FOXN3: variants seen among roughly 807,000 people sequenced by gnomAD.
The protein encoded by FOXN3 is forkhead box N3, also known as forkhead box protein N3.
Under a neutral mutation model 38.4 loss-of-function variants are expected in FOXN3, and 7 were observed. That is an observed-to-expected ratio of 0.18 (90% confidence interval 0.10 to 0.34). The LOEUF is 0.34. Among genes scored for constraint, FOXN3 ranks in the 10% least tolerant of loss-of-function variants. The pLI, the probability that FOXN3 is intolerant of heterozygous loss-of-function variation, is 1.00. For synonymous variants in FOXN3, 230 were observed against 242.2 expected, an observed-to-expected ratio of 0.95 and a Z score of 0.47; for missense variants, 456 against 613.4, an observed-to-expected ratio of 0.74 and a Z score of 2.71.
chr14:89,267,811 G>A (rs1018695802), intron 4 of FOXN3, among the ~76,000 whole-genome samples: 2 of 152,196 alleles, frequency 1.3e-5, no homozygotes, highest in African/African-American at 4.8e-5. Context: ...ATGCGTGCGT[G>A]TTGGCGGTGG....
chr14:89,170,897 AC>A (rs1887372005), intron 5 of FOXN3, among the ~76,000 whole-genome samples: 1 of 152,122 alleles, frequency 6.6e-6, no homozygotes, highest in Non-Finnish European at 1.5e-5. Flanking sequence ...GAAAATTATA[AC>A]CTTAAACTTC....
rs375412532 is a variant in FOXN3 at position 89,581,957 on chromosome 14, G to A, written c.-15+37071C>T. Among the ~76,000 whole-genome samples, 77 of 152,304 alleles carry A rather than the reference G, an allele frequency of 5.1e-4. No individual in the cohort carries two copies. In the South Asian group the frequency reaches 0.015, roughly 29 times the overall value. On this transcript the variant is annotated intron_variant, in intron 1 of 6. Transcript: ENST00000345097. ...ACATTTAGCCCCAGGACAAAAAGTT[G>A]TAACAACTCTCCGAGGCAAGGGAGA...
At chr14:89,401,214 G>A (rs1891234526) in intron 2 of FOXN3, among the ~76,000 whole-genome samples, 1 of 151,510 alleles carries the variant, frequency 6.6e-6, no homozygotes, top group African/African-American at 2.4e-5. Flanking sequence ...GGTTGAGGCG[G>A]GCGGATCACC....
rs141978099 is a variant in FOXN3, at chr14:89,253,258, C to T, written c.745+27692G>A. Among the ~76,000 whole-genome samples the T allele has an allele frequency of 1.6e-3, 248 of 152,276 alleles. 1 individual carries two copies. Among genetic ancestry groups the T allele is most frequent in the African/African-American group, 5.7e-3 (235 of 41,560 alleles). On this transcript the variant is annotated intron_variant, in intron 4 of 5. Coordinates refer to ENST00000557258, the MANE Select transcript of FOXN3 (RefSeq NM_005197.4). The stretch of plus-strand genomic sequence containing the variant: ...TTTCAGGGAGTGCTCACCGGCATCG[C>T]GGAAAAGAGCCTCTGGCAGGGATCT...
intron 4 of FOXN3, among the ~76,000 whole-genome samples, chr14:89,266,864 G>C (rs1885994927): frequency 6.6e-6 from 1 of 152,092 alleles, no homozygotes; most frequent in African/African-American, 2.4e-5. Flanking sequence ...TAAAACAAAA[G>C]AGACGCCATT....
At chr14:89,189,634 T>C (rs1887895183) in intron 4 of FOXN3, among the ~76,000 whole-genome samples, 1 of 152,204 alleles carries the variant, frequency 6.6e-6, no homozygotes, top group Non-Finnish European at 1.5e-5. Flanking sequence ...ACAGATATCT[T>C]TGTTTGAAGT....
intron 2 of FOXN3, among the ~76,000 whole-genome samples, chr14:89,392,967 C>T (rs539697778): frequency 9.2e-5 from 14 of 152,148 alleles, no homozygotes; most frequent in African/African-American, 2.2e-4. Flanking sequence ...CCACCACGCC[C>T]GGCTAATTTT....
At chr14:89,349,507 CAACA>C (rs991358754) in intron 3 of FOXN3, 7 of 152,662 alleles carry the variant, frequency 4.6e-5, no homozygotes, top group African/African-American at 1.7e-4. Context: ...TTTTGCCAGG[CAACA>C]AACAGCCTTG....
chr14:89,288,750 ATATATATATATATATATATG>A (rs1329958973), intron 3 of FOXN3, among the ~76,000 whole-genome samples: 4 of 84,126 alleles, frequency 4.8e-5, no homozygotes, highest in African/African-American at 1.5e-4. Flanking sequence ...ATATATATAT[ATATATATATATATATATATG>A]CTTGCACTGG....
intron 1 of FOXN3, among the ~76,000 whole-genome samples, chr14:89,555,882 G>GTGT (rs58769284): frequency 0.058 from 6,056 of 104,364 alleles, 722 homozygotes; most frequent in Non-Finnish European, 0.084. Context: ...TGTGTATGTG[G>GTGT]GGGTGTATGT....
chr14:89,397,707 G>C (rs973923798), intron 2 of FOXN3, among the ~76,000 whole-genome samples: 2 of 152,168 alleles, frequency 1.3e-5, no homozygotes, highest in African/African-American at 4.8e-5. Context: ...TGAAGGAGGA[G>C]CAAGGAAGTG....
intron 1 of FOXN3, among the ~76,000 whole-genome samples, chr14:89,538,716 C>A (rs1235759825): frequency 1.3e-5 from 2 of 151,426 alleles, no homozygotes; most frequent in Admixed American, 1.3e-4. Flanking sequence ...CGGGGTTTCT[C>A]CATGTTGGTC....
chr14:89,224,649 T>A (rs1264476025), intron 4 of FOXN3, among the ~76,000 whole-genome samples: 2 of 152,182 alleles, frequency 1.3e-5, no homozygotes, highest in Non-Finnish European at 2.9e-5. Flanking sequence ...ATGTGCTACA[T>A]GAATAACTGC....
At chr14:89,593,391 C>T (rs566706592) in intron 1 of FOXN3, among the ~76,000 whole-genome samples, 75 of 152,232 alleles carry the variant, frequency 4.9e-4, no homozygotes, top group Non-Finnish European at 9.3e-4. Flanking sequence ...GTAACCCCAG[C>T]GCTTTGGAAG....
chr14:89,498,879 A>T (rs2139785900), intron 1 of FOXN3, among the ~76,000 whole-genome samples: 1 of 152,274 alleles, frequency 6.6e-6, no homozygotes, highest in East Asian at 1.9e-4. Flanking sequence ...CAAGTCAATG[A>T]TTGGACGCTT....
At chr14:89,383,673 T>TTCCTC (rs201537996) in intron 2 of FOXN3, among the ~76,000 whole-genome samples, 2,378 of 152,132 alleles carry the variant, frequency 0.016, 73 homozygotes, top group African/African-American at 0.055. Context: ...TCTGTTTCCT[T>TTCCTC]TCCTCTCCTC....
chr14:89,505,305 C>A (rs1010055895), intron 1 of FOXN3, among the ~76,000 whole-genome samples: 3 of 148,424 alleles, frequency 2.0e-5, no homozygotes, highest in African/African-American at 5.0e-5. Flanking sequence ...CCTCTCCCCA[C>A]GGTCTCCCTC....
intron 2 of FOXN3, among the ~76,000 whole-genome samples, chr14:89,370,522 G>A (rs1302420015): frequency 2.0e-5 from 3 of 152,246 alleles, no homozygotes; most frequent in African/African-American, 7.2e-5. Context: ...GGAAACTCAT[G>A]CACATCTGTG....
intron 1 of FOXN3, among the ~76,000 whole-genome samples, chr14:89,513,374 A>G (rs1481371392): frequency 6.6e-6 from 1 of 150,600 alleles, no homozygotes; most frequent in African/African-American, 2.4e-5. Flanking sequence ...ACAGGTGTAC[A>G]CTACCATGCC....
Sources: allele counts gnomAD v4.1 joint callset (sites outside exome capture counted in the v4.1 genomes callset), GRCh38; gene constraint gnomAD v4.1.1; transcripts MANE v1.5; gene names NCBI Gene and HGNC (gene_info 2026-07-23, HGNC 2026-07-21).